XXYLT1: variants seen among roughly 807,000 people sequenced by gnomAD.
XXYLT1 encodes the protein UDP-xylose:alpha-xyloside alpha-1,3-xylosyltransferase.
XXYLT1 carries 20 observed loss-of-function variants against 28.9 expected under a neutral mutation model. The ratio of observed to expected loss-of-function variants is 0.69; its 90% CI spans 0.49 to 1.00. The LOEUF is 1.00. Ranked by LOEUF, XXYLT1 falls within the 50% of genes least tolerant of loss-of-function variation. The pLI is 0.00. For missense variants in XXYLT1, 542 were observed against 560.1 expected, an observed-to-expected ratio of 0.97 and a Z score of 0.33; for synonymous variants, 257 against 253.8, an observed-to-expected ratio of 1.01 and a Z score of -0.12.
In XXYLT1 at chr3:195,097,917, C is replaced by T. The variant is rs559668193; in HGVS notation, c.786-27806G>A. On this transcript the variant is annotated intron_variant, in intron 3 of 3. Coordinates refer to ENST00000310380, the MANE Select transcript of XXYLT1 (RefSeq NM_152531.5). ...AAAGATGAGACTGGTGGAGGGGAAC[C>T]GAGAAAGGCTCATGGAAGGTACTGT... 5.3e-5 allele frequency among the ~76,000 whole-genome samples: 8 copies of T among 152,040 alleles called. No homozygotes were observed. The South Asian group carries it at 1.0e-3, about 20-fold the overall frequency.
intron 2 of XXYLT1, among the ~76,000 whole-genome samples, chr3:195,194,735 T>C (rs1254339601): frequency 6.6e-6 from 1 of 152,058 alleles, no homozygotes; most frequent in Non-Finnish European, 1.5e-5. Context: ...TTGAAAGGAA[T>C]AAATGACTGA....
intron 1 of XXYLT1, among the ~76,000 whole-genome samples, chr3:195,227,701 GAT>G: frequency 6.6e-6 from 1 of 152,124 alleles, no homozygotes; most frequent in South Asian, 2.1e-4. Flanking sequence ...AAGTCACACA[GAT>G]AATAAATGCA....
At chr3:195,095,186 T>A (rs1716356233) in intron 3 of XXYLT1, 1 of 152,546 alleles carries the variant, frequency 6.6e-6, no homozygotes, top group Non-Finnish European at 1.5e-5. Flanking sequence ...TTACATCTCA[T>A]GAGACTGCCG....
chr3:195,073,801 TA>T (rs1714962042), intron 3 of XXYLT1, among the ~76,000 whole-genome samples: 1 of 152,152 alleles, frequency 6.6e-6, no homozygotes, highest in South Asian at 2.1e-4. Context: ...TTAATAATCA[TA>T]AAAAAGACTA....
intron 2 of XXYLT1, among the ~76,000 whole-genome samples, chr3:195,199,145 A>T (rs1002638039): frequency 3.3e-5 from 5 of 152,058 alleles, no homozygotes; most frequent in African/African-American, 9.7e-5. Context: ...TAGGATAGGA[A>T]TGAGCATGGC....
At chr3:195,184,589 AC>A (rs11360608) in intron 2 of XXYLT1, 83,641 of 982,818 alleles carry the variant, frequency 0.085, 6,538 homozygotes, top group African/African-American at 0.39. Context: ...GTTTGGAAGA[AC>A]CCCCCCAAGA....
intron 2 of XXYLT1, among the ~76,000 whole-genome samples, chr3:195,167,739 G>A (rs369483898): frequency 2.0e-5 from 3 of 151,960 alleles, no homozygotes; most frequent in South Asian, 2.1e-4. Context: ...ACCCACTTAC[G>A]GTAGGTTGTG....
At chr3:195,245,708 G>A (rs963201806) in intron 1 of XXYLT1, among the ~76,000 whole-genome samples, 14 of 152,300 alleles carry the variant, frequency 9.2e-5, no homozygotes, top group Admixed American at 2.6e-4. Flanking sequence ...AATCATGGGG[G>A]CGGGTCCTTC....
intron 2 of XXYLT1, among the ~76,000 whole-genome samples, chr3:195,172,352 C>A (rs1721449039): frequency 6.6e-6 from 1 of 152,178 alleles, no homozygotes; most frequent in African/African-American, 2.4e-5. Flanking sequence ...CAAGAAGTTA[C>A]CAGCTGGGCA....
intron 1 of XXYLT1, among the ~76,000 whole-genome samples, chr3:195,269,253 G>A (rs1424377492): frequency 6.6e-6 from 1 of 152,204 alleles, no homozygotes; most frequent in South Asian, 2.1e-4. Flanking sequence ...TATGGCCAAG[G>A]GCCCTCAGTT....
At chr3:195,109,769 GGGTGTGTGTGTGGTGTATGTGT>G in intron 3 of XXYLT1, among the ~76,000 whole-genome samples, 1 of 27,876 alleles carries the variant, frequency 3.6e-5, no homozygotes, top group African/African-American at 8.1e-5. Flanking sequence ...GTGTGGGGCT[GGGTGTGTGTGTGGTGTATGTGT>G]GGTGTGTGTG....
chr3:195,205,944 G>A (rs1259145682), intron 2 of XXYLT1, among the ~76,000 whole-genome samples: 5 of 152,122 alleles, frequency 3.3e-5, no homozygotes, highest in Non-Finnish European at 7.4e-5. Flanking sequence ...ACCACTGGGG[G>A]AAAGTGGGTA....
intron 1 of XXYLT1, among the ~76,000 whole-genome samples, chr3:195,249,625 G>A (rs1725173634): frequency 6.6e-6 from 1 of 152,184 alleles, no homozygotes; most frequent in Non-Finnish European, 1.5e-5. Flanking sequence ...CCAGATTTCA[G>A]CCCACGTCTC....
chr3:195,103,464 C>T (rs1716921931), intron 3 of XXYLT1, among the ~76,000 whole-genome samples: 1 of 152,182 alleles, frequency 6.6e-6, no homozygotes, highest in South Asian at 2.1e-4. Context: ...GCGTCCATCT[C>T]TTCTGCATTT....
intron 1 of XXYLT1, chr3:195,270,308 G>A (rs748758387): frequency 4.2e-5 from 38 of 905,972 alleles, no homozygotes; most frequent in East Asian, 3.4e-4. Context: ...GCGCTTAACT[G>A]GGGGAGAGGA....
At chr3:195,266,410 C>T (rs1725850805) in intron 1 of XXYLT1, among the ~76,000 whole-genome samples, 1 of 151,946 alleles carries the variant, frequency 6.6e-6, no homozygotes, top group Non-Finnish European at 1.5e-5. Flanking sequence ...AGGAGAATCG[C>T]TTGAACCCGG....
At chr3:195,214,451 G>A (rs143807224) in intron 2 of XXYLT1, among the ~76,000 whole-genome samples, 2 of 151,956 alleles carry the variant, frequency 1.3e-5, no homozygotes, top group African/African-American at 2.4e-5. Flanking sequence ...CCCCACCCCC[G>A]TCAATCCTCA....
chr3:195,069,931 G>A lies in XXYLT1; in HGVS notation c.966C>T (p.Tyr322=), dbSNP rs913533235. The A allele has an allele frequency of 1.2e-6, 2 of 1,613,278 alleles. No homozygotes were observed. The highest frequency in any genetic ancestry group is 1.3e-5 in the African/African-American group (1 of 74,936). ...PAQVQQLADK[Y]HFRGHLGDQD... ...GGTCCCCGAGGTGGCCGCGGAAGTG[G>A]TACTTGTCGGCCAGCTGCTGCACCT... is the stretch of plus-strand genomic sequence containing the variant. Residue 322 remains tyrosine, a synonymous_variant, in exon 4 of 4, where the codon TAC becomes TAT. Coordinates refer to ENST00000310380, the MANE Select transcript of XXYLT1 (RefSeq NM_152531.5).
At chr3:195,127,581 G>T (rs1024492412) in intron 3 of XXYLT1, among the ~76,000 whole-genome samples, 4 of 151,974 alleles carry the variant, frequency 2.6e-5, no homozygotes, top group Admixed American at 2.6e-4. Flanking sequence ...TTCAAGACCA[G>T]CATGGGCAAC....
Sources: gnomAD v4.1 joint callset for allele counts (sites outside exome capture counted in the v4.1 genomes callset) on GRCh38, gnomAD v4.1.1 for gene constraint, MANE v1.5 for transcripts, NCBI Gene and HGNC (gene_info 2026-07-23, HGNC 2026-07-21) for gene names.